The following TEX14 variants were observed in gnomAD, a reference collection of about 807,000 sequenced individuals.
TEX14 encodes inactive serine/threonine-protein kinase TEX14.
In TEX14, 168 loss-of-function variants were observed where a neutral mutation model predicts 178.6. That is an observed-to-expected ratio of 0.94 (90% CI 0.83 to 1.07). TEX14 has a LOEUF of 1.07. Among genes scored for constraint, TEX14 ranks in the 50% least tolerant of loss-of-function variants. TEX14 has a pLI of 0.00. For missense variants in TEX14, 1,730 were observed against 1,753.6 expected, an observed-to-expected ratio of 0.99 and a Z score of 0.24; for synonymous variants, 626 against 634.1, an observed-to-expected ratio of 0.99 and a Z score of 0.19.
At chr17:58,662,405 C>T (rs954875486) in intron 1 of TEX14, among the ~76,000 whole-genome samples, 2 of 129,748 alleles carry the variant, frequency 1.5e-5, no homozygotes, top group Non-Finnish European at 3.3e-5. Flanking sequence ...AGATATATAG[C>T]ACACATATCT....
Position 58,616,296 on chromosome 17 carries a change from T to C in TEX14, c.646A>G (p.Thr216Ala), listed in dbSNP as rs2045871117. The C allele has an allele frequency of 6.2e-7, 1 of 1,612,890 alleles. No homozygotes were observed. Among genetic ancestry groups the C allele is most frequent in the South Asian group, 1.1e-5 (1 of 90,846 alleles). ...YSFGFGKFYL[T>A]GATQMAYLGS... ...AGATAGGCCATCTGTGTCGCCCCAG[T>C]AAGATAAAACTGAAACCAAGGCATA... Residue 216 changes from threonine (T) to alanine (A), a missense_variant, in exon 7 of 32, where the codon ACT becomes GCT. This residue lies in a region of TEX14 where 789 missense variants were observed against 681.2 expected (regional missense o/e 1.16). Transcript: ENST00000349033.
At chr17:58,588,589 G>A (rs910915908) in intron 15 of TEX14, among the ~76,000 whole-genome samples, 3 of 152,064 alleles carry the variant, frequency 2.0e-5, no homozygotes, top group East Asian at 1.9e-4. Context: ...CCGGCCTAAC[G>A]TTTGTAAAAA....
intron 3 of TEX14, among the ~76,000 whole-genome samples, chr17:58,630,035 A>G (rs532124977): frequency 1.8e-4 from 25 of 140,426 alleles, no homozygotes; most frequent in African/African-American, 6.7e-4. Flanking sequence ...AACCACAGCC[A>G]TAAGAGTCAG....
At chr17:58,600,205 T>C (rs549932748) in intron 13 of TEX14, among the ~76,000 whole-genome samples, 3 of 152,196 alleles carry the variant, frequency 2.0e-5, no homozygotes, top group Non-Finnish European at 4.4e-5. Context: ...TCAGTTAAAG[T>C]TATGCTCTTG....
chr17:58,623,360 T>C (rs1203820752), intron 3 of TEX14, among the ~76,000 whole-genome samples: 3 of 152,208 alleles, frequency 2.0e-5, no homozygotes, highest in East Asian at 1.9e-4. Context: ...CACTCTGATA[T>C]TGGCTGCCCA....
intron 28 of TEX14, among the ~76,000 whole-genome samples, 174 bp from the exon 29 acceptor site, chr17:58,561,786 C>T (rs905494109): frequency 6.6e-6 from 1 of 152,146 alleles, no homozygotes; most frequent in African/African-American, 2.4e-5. Context: ...TCACTTAGAT[C>T]TGACTGAAAT....
intron 14 of TEX14, among the ~76,000 whole-genome samples, chr17:58,597,528 T>C (rs1254157801): frequency 2.6e-5 from 4 of 152,120 alleles, no homozygotes; most frequent in Non-Finnish European, 5.9e-5. Flanking sequence ...CTAAATAATA[T>C]CAGTAATAAC....
At chr17:58,686,521 T>C (rs1461886022) in intron 1 of TEX14, among the ~76,000 whole-genome samples, 1 of 152,082 alleles carries the variant, frequency 6.6e-6, no homozygotes, top group Non-Finnish European at 1.5e-5. Flanking sequence ...GGGCTAGAAA[T>C]ACAAATTTGA....
At chr17:58,577,301 A>C in intron 21 of TEX14, 74 bp downstream of exon 21, 1 of 602,612 alleles carries the variant, frequency 1.7e-6, no homozygotes, top group Non-Finnish European at 2.7e-6. Flanking sequence ...AGCAATATAT[A>C]AACACGGAGC....
chr17:58,610,817 C>T (rs1010845399), intron 10 of TEX14, among the ~76,000 whole-genome samples: 4 of 150,952 alleles, frequency 2.6e-5, no homozygotes, highest in South Asian at 2.1e-4. Flanking sequence ...ACCCAGGAGG[C>T]GGAGGTTGCA....
intron 1 of TEX14, among the ~76,000 whole-genome samples, chr17:58,670,424 T>C (rs9906311): frequency 4.5e-4 from 64 of 143,244 alleles, no homozygotes; most frequent in African/African-American, 1.6e-3. Context: ...TTGGGAAGAT[T>C]AAAAAAAAAA....
intron 5 of TEX14, among the ~76,000 whole-genome samples, chr17:58,619,784 A>G (rs2045955522): frequency 6.8e-6 from 1 of 147,966 alleles, no homozygotes. Flanking sequence ...GGCGACAGAG[A>G]AGACTCAGTC....
At chr17:58,595,754 G>T (rs1254945516) in intron 14 of TEX14, among the ~76,000 whole-genome samples, 1 of 152,240 alleles carries the variant, frequency 6.6e-6, no homozygotes, top group Non-Finnish European at 1.5e-5. Flanking sequence ...TGGAACAGAA[G>T]ATCCACTCAG....
At chr17:58,614,372 C>T (rs1448030793) in intron 8 of TEX14, among the ~76,000 whole-genome samples, 1 of 152,194 alleles carries the variant, frequency 6.6e-6, no homozygotes, top group Non-Finnish European at 1.5e-5. Flanking sequence ...CGCCAGTAGT[C>T]CCAGCTACTC....
At chr17:58,653,463 C>T (rs1333288855) in intron 1 of TEX14, among the ~76,000 whole-genome samples, 4 of 152,078 alleles carry the variant, frequency 2.6e-5, no homozygotes, top group Non-Finnish European at 4.4e-5. Context: ...GTTAAAAACT[C>T]GATCCCCAAT....
chr17:58,672,018 A>G (rs2047312288), intron 1 of TEX14, among the ~76,000 whole-genome samples: 1 of 152,046 alleles, frequency 6.6e-6, no homozygotes, highest in African/African-American at 2.4e-5. Context: ...CACGGATAAC[A>G]GGGGGTGGGT....
intron 2 of TEX14, chr17:58,648,132 C>G (rs1487654238): frequency 6.6e-6 from 1 of 152,210 alleles, no homozygotes; most frequent in Non-Finnish European, 1.5e-5. Context: ...GGGGGAGAAC[C>G]AATAAGACAA....
chr17:58,659,176 A>T (rs955542553), intron 1 of TEX14, among the ~76,000 whole-genome samples: 5 of 152,230 alleles, frequency 3.3e-5, no homozygotes, highest in African/African-American at 9.6e-5. Flanking sequence ...GCAGTCCCCC[A>T]CTACCACAAG....
intron 2 of TEX14, among the ~76,000 whole-genome samples, chr17:58,640,612 AGTGTGTGTGTGT>A (rs33931543): frequency 3.5e-5 from 5 of 143,958 alleles, no homozygotes; most frequent in Non-Finnish European, 7.5e-5. Flanking sequence ...CTTACCTTCT[AGTGTGTGTGTGT>A]GTGTGTGTGT....
Sources: allele counts gnomAD v4.1 joint callset (sites outside exome capture counted in the v4.1 genomes callset), GRCh38; gene constraint gnomAD v4.1.1; regional missense constraint gnomAD v4.1.1; transcripts MANE v1.5; gene names NCBI Gene and HGNC (gene_info 2026-07-23, HGNC 2026-07-21).